Variants in NFIA observed in about 807,000 individuals in gnomAD.
NFIA encodes the protein nuclear factor 1 A-type.
A neutral mutation model predicts 62.8 loss-of-function variants in NFIA; 8 were observed. The ratio of observed to expected loss-of-function variants is 0.13; its 90% CI spans 0.07 to 0.23. NFIA has a LOEUF of 0.23. Ranked by LOEUF, NFIA falls within the 10% of genes least tolerant of loss-of-function variation. The pLI is 1.00. For synonymous variants in NFIA, 235 were observed against 238.1 expected (o/e 0.99, Z 0.12); for missense variants, 410 against 642.1 (o/e 0.64, Z 3.91).
intron 2 of NFIA, among the ~76,000 whole-genome samples, chr1:61,093,374 A>C (rs943266580): frequency 5.3e-5 from 8 of 152,154 alleles, no homozygotes; most frequent in African/African-American, 1.9e-4. Flanking sequence ...TGTATATTGT[A>C]AAACTAATAT....
chr1:61,299,120 A>G (rs1424130729), intron 3 of NFIA, among the ~76,000 whole-genome samples: 3 of 152,218 alleles, frequency 2.0e-5, no homozygotes, highest in African/African-American at 4.8e-5. Flanking sequence ...GAAGCTAAAA[A>G]GAAGATGATC....
intron 2 of NFIA, among the ~76,000 whole-genome samples, chr1:61,133,843 CT>C (rs369786651): frequency 2.6e-5 from 4 of 152,090 alleles, no homozygotes; most frequent in African/African-American, 9.7e-5. Context: ...GACCCTGTCT[CT>C]TAAAGGAATA....
intron 2 of NFIA, among the ~76,000 whole-genome samples, chr1:61,238,131 A>G (rs1405589551): frequency 6.6e-6 from 1 of 152,228 alleles, no homozygotes; most frequent in East Asian, 1.9e-4. Flanking sequence ...AAGGAGCTAA[A>G]GCAAGCAGTT....
intron 3 of NFIA, among the ~76,000 whole-genome samples, chr1:61,318,331 G>A (rs571103301): frequency 2.0e-5 from 3 of 152,172 alleles, no homozygotes; most frequent in Admixed American, 1.3e-4. Context: ...AATGGACCCC[G>A]GCATGTTGGA....
At chr1:61,107,989 T>C (rs562801541) in intron 2 of NFIA, among the ~76,000 whole-genome samples, 187 of 151,872 alleles carry the variant, frequency 1.2e-3, no homozygotes, top group Admixed American at 5.7e-3. Context: ...TTGGATTCTT[T>C]GCTCTGTTAC....
chr1:61,141,909 T>C (rs2100507285), intron 2 of NFIA, among the ~76,000 whole-genome samples: 1 of 152,304 alleles, frequency 6.6e-6, no homozygotes, highest in Admixed American at 6.5e-5. Context: ...AATTGCCCAA[T>C]AATCTGCCCC....
chr1:61,103,334 A>G (rs953871657), intron 2 of NFIA, among the ~76,000 whole-genome samples: 3 of 152,136 alleles, frequency 2.0e-5, no homozygotes, highest in African/African-American at 7.2e-5. Context: ...GGCTAACATT[A>G]TTTATACTTT....
chr1:61,083,312 G>A (rs966868896), intron 1 of NFIA, among the ~76,000 whole-genome samples: 7 of 152,130 alleles, frequency 4.6e-5, no homozygotes, highest in East Asian at 3.9e-4. Context: ...TGCAGTCCTC[G>A]GGTGCGGGGA....
intron 2 of NFIA, among the ~76,000 whole-genome samples, chr1:61,209,667 TACAACAACAACAACAACA>T (rs71756240): frequency 1.4e-4 from 20 of 147,872 alleles, no homozygotes; most frequent in Non-Finnish European, 1.5e-5. Context: ...CTATGAAAAA[TACAACAACAACAACAACA>T]ACAACAACAA....
chr1:61,264,653 CAAAAAAAAAAAA>C (rs1165980251), intron 2 of NFIA, among the ~76,000 whole-genome samples: 13 of 60,750 alleles, frequency 2.1e-4, no homozygotes, highest in Admixed American at 5.4e-4. Context: ...CTCCACCTTA[CAAAAAAAAAAAA>C]AAAAAAAAAA....
intron 2 of NFIA, among the ~76,000 whole-genome samples, chr1:61,223,700 A>G (rs1011547101): frequency 2.0e-5 from 3 of 152,068 alleles, no homozygotes; most frequent in Non-Finnish European, 4.4e-5. Flanking sequence ...CAGTAATTTT[A>G]TTTAGAATGA....
At chr1:61,368,305 A>G (rs1412204027) in intron 6 of NFIA, among the ~76,000 whole-genome samples, 1 of 152,156 alleles carries the variant, frequency 6.6e-6, no homozygotes, top group African/African-American at 2.4e-5. Context: ...CAGGTGGCCA[A>G]CTCATGGTGT....
chr1:61,161,868 G>T (rs918154823), intron 2 of NFIA, among the ~76,000 whole-genome samples: 1 of 152,156 alleles, frequency 6.6e-6, no homozygotes, highest in Non-Finnish European at 1.5e-5. Context: ...AAAGATTAAA[G>T]CATGTTTCTG....
At chr1:61,408,865 A>C (rs909955564) in intron 9 of NFIA, among the ~76,000 whole-genome samples, 1 of 152,218 alleles carries the variant, frequency 6.6e-6, no homozygotes, top group African/African-American at 2.4e-5. Context: ...GGAGTATTTT[A>C]TTATCTGCCC....
chr1:61,366,691 G>A (rs1395019126), intron 6 of NFIA, among the ~76,000 whole-genome samples: 1 of 152,202 alleles, frequency 6.6e-6, no homozygotes, highest in Non-Finnish European at 1.5e-5. Context: ...GGGAGGCCGA[G>A]GTGGGCAGAT....
intron 10 of NFIA, among the ~76,000 whole-genome samples, chr1:61,436,296 C>G (rs1434674264): frequency 1.3e-5 from 2 of 152,136 alleles, no homozygotes; most frequent in African/African-American, 4.8e-5. Flanking sequence ...TGAGTCAACA[C>G]AAGTTCAGAG....
At position 61,109,968 on chromosome 1, in the gene NFIA, C is replaced by G. The variant is rs182182300; in HGVS notation, c.559+21288C>G. Among the ~76,000 whole-genome samples the G allele has an allele frequency of 2.6e-5, 4 of 151,962 alleles. No homozygotes were observed. The East Asian group carries it at 7.7e-4, about 29-fold the overall frequency. The stretch of plus-strand genomic sequence containing the variant: ...GGAAAGGGGGATGACTGTATTGTAT[C>G]TTTTAAGTATAATGTATAGCCTTTA... On this transcript the variant is annotated intron_variant, in intron 2 of 10. Transcript: ENST00000403491.
intron 3 of NFIA, among the ~76,000 whole-genome samples, chr1:61,313,818 G>A (rs1324242845): frequency 6.6e-6 from 1 of 152,198 alleles, no homozygotes; most frequent in Non-Finnish European, 1.5e-5. Flanking sequence ...CGCCTCTGGA[G>A]TAGGTGTTCT....
intron 4 of NFIA, among the ~76,000 whole-genome samples, chr1:61,338,530 A>C (rs572704043): frequency 1.3e-5 from 2 of 152,352 alleles, no homozygotes; most frequent in East Asian, 3.9e-4. Flanking sequence ...TTACGTTTTC[A>C]AGTACCCATA....
Sources: allele counts gnomAD v4.1 joint callset (sites outside exome capture counted in the v4.1 genomes callset), GRCh38; gene constraint gnomAD v4.1.1; transcripts MANE v1.5; gene names NCBI Gene and HGNC (gene_info 2026-07-23, HGNC 2026-07-21).